UBXN11: variants seen among roughly 807,000 people sequenced by gnomAD.
The protein encoded by UBXN11 is UBX domain protein 11.
UBXN11 carries 47 observed loss-of-function variants against 62.8 expected under a neutral mutation model. That is an observed-to-expected ratio of 0.75 (90% CI 0.59 to 0.95). The LOEUF (loss-of-function observed/expected upper bound fraction) is 0.95, where lower values mean the gene tolerates loss of function less well. UBXN11 is among the 40% of genes least tolerant of loss of function. The pLI is 0.00. For missense variants in UBXN11, 638 were observed against 661.7 expected (o/e 0.96, Z 0.39); for synonymous variants, 294 against 267.0 (o/e 1.10, Z -0.99).
chr1:26,317,868 C>G, intron 1 of UBXN11: 1 of 670,782 alleles, frequency 1.5e-6, no homozygotes, highest in Non-Finnish European at 2.7e-6. Context: ...CACACCCCTC[C>G]TCCACCTTGT....
At chr1:26,294,481 T>C in intron 7 of UBXN11, 150 bp from the exon 8 acceptor site, 1 of 1,282,438 alleles carries the variant, frequency 7.8e-7, no homozygotes, top group South Asian at 1.5e-5. Flanking sequence ...GATCTTGCCA[T>C]TTCCTGGCTG....
intron 8 of UBXN11, among the ~76,000 whole-genome samples, chr1:26,290,738 G>T (rs1287064471): frequency 1.3e-5 from 2 of 151,842 alleles, no homozygotes; most frequent in African/African-American, 4.8e-5. Context: ...GGGAGGCAGG[G>T]ACTGACTTGG....
chr1:26,293,466 A>G (rs1293914927), intron 8 of UBXN11, among the ~76,000 whole-genome samples: 3 of 151,930 alleles, frequency 2.0e-5, no homozygotes, highest in Non-Finnish European at 4.4e-5. Flanking sequence ...GGTGGCTCAC[A>G]CCTGTAATCC....
intron 4 of UBXN11, among the ~76,000 whole-genome samples, chr1:26,300,189 G>C (rs1337151736): frequency 6.6e-6 from 1 of 152,108 alleles, no homozygotes; most frequent in Non-Finnish European, 1.5e-5. Context: ...CTCCTGATGG[G>C]CAGCCACCAC....
At chr1:26,294,169 T>A (rs1197508262) in intron 8 of UBXN11, 36 bp downstream of exon 8, 3 of 1,610,638 alleles carry the variant, frequency 1.9e-6, no homozygotes, top group Non-Finnish European at 2.5e-6. Flanking sequence ...GGAGAATTCC[T>A]TTTGAAGAGG....
At chr1:26,306,842 T>TTGGGGGGGGG (rs1557692136), upstream of UBXN11, 1 of 29,810 alleles carries the variant, frequency 3.4e-5, no homozygotes. Context: ...GGGGGGGGGG[T>TTGGGGGGGGG]GGTTCGTTCC....
chr1:26,313,415 C>G (rs1002839618), intron 1 of UBXN11, among the ~76,000 whole-genome samples: 4 of 152,154 alleles, frequency 2.6e-5, no homozygotes, highest in African/African-American at 9.7e-5. Flanking sequence ...ATATCCTCCC[C>G]ACATTTCACT....
intron 8 of UBXN11, among the ~76,000 whole-genome samples, chr1:26,289,660 G>A (rs1033658791): frequency 1.3e-5 from 2 of 152,190 alleles, no homozygotes; most frequent in African/African-American, 4.8e-5. Flanking sequence ...TCAGACTCAA[G>A]TGAAGAAGAC....
chr1:26,301,604 C>A, intron 3 of UBXN11, 90 bp downstream of exon 3: 1 of 1,559,256 alleles, frequency 6.4e-7, no homozygotes, highest in East Asian at 2.3e-5. Context: ...TGACAAGGGC[C>A]TTTCTCGTGT....
intron 12 of UBXN11, 150 bp downstream of exon 12, chr1:26,283,992 G>A: frequency 1.2e-6 from 1 of 853,736 alleles, no homozygotes; most frequent in Non-Finnish European, 1.8e-6. Context: ...CAGCCTCACA[G>A]TTTCCAGGAG....
At chr1:26,288,706 C>T (rs1219455905) in intron 8 of UBXN11, among the ~76,000 whole-genome samples, 1 of 152,314 alleles carries the variant, frequency 6.6e-6, no homozygotes. Context: ...CCTTTCTGTG[C>T]AATGGGGAGA....
rs2073003857 is a variant in UBXN11, at chr1:26,282,329, G to GGGACTGGGGCCGGGACCGGGACCC, written c.1532_1533insGGGTCCCGGTCCCGGCCCCAGTCC (p.Gly504_Pro511dup). On this transcript the variant is annotated inframe_insertion, in exon 15 of 15. Coordinates refer to ENST00000374222, the MANE Select transcript of UBXN11 (RefSeq NM_001389556.1). ...GGGGGCTGGGACTGGGTCCAGGACA[G>GGGACTGGGGCCGGGACCGGGACCC]GGACTGGGGCCGGGACCGGGACCGG... The GGGACTGGGGCCGGGACCGGGACCC allele has an allele frequency of 2.7e-6, 2 of 748,838 alleles. No individual in the cohort carries two copies. The highest frequency in any genetic ancestry group is 9.7e-5 in the East Asian group (2 of 20,600). 46.4% of individuals were successfully genotyped at this position (748,838 alleles called of 1,614,324 possible).
chr1:26,318,064 T>A, exon 1 of UBXN11: 1 of 1,614,100 alleles, frequency 6.2e-7, no homozygotes, highest in Non-Finnish European at 8.5e-7. Flanking sequence ...CTCCTGGTTA[T>A]GGTACAGGTA....
At chr1:26,297,777 C>T (rs998978292) in intron 5 of UBXN11, among the ~76,000 whole-genome samples, 185 bp downstream of exon 5, 1 of 152,210 alleles carries the variant, frequency 6.6e-6, no homozygotes, top group Non-Finnish European at 1.5e-5. Context: ...GGGAAGACCC[C>T]CCAGCCTCTC....
intron 9 of UBXN11, 91 bp downstream of exon 9, chr1:26,285,732 G>C (rs912503344): frequency 1.3e-6 from 2 of 1,482,074 alleles, no homozygotes; most frequent in East Asian, 4.8e-5. Context: ...TGGAGGGCAG[G>C]CTGGGCCTGG....
chr1:26,304,654 G>A (rs1050106957), intron 1 of UBXN11, among the ~76,000 whole-genome samples: 3 of 152,132 alleles, frequency 2.0e-5, no homozygotes, highest in African/African-American at 7.2e-5. Flanking sequence ...TTGGGAGGCC[G>A]AGGCAGAAGA....
At chr1:26,285,285 T>A in intron 10 of UBXN11, 179 bp downstream of exon 10, 1 of 1,400,664 alleles carries the variant, frequency 7.1e-7, no homozygotes, top group Admixed American at 2.7e-5. Context: ...CTGCTCTGTT[T>A]CGGGCCTCTC....
intron 2 of UBXN11, among the ~76,000 whole-genome samples, chr1:26,302,235 C>T (rs913601910): frequency 2.0e-5 from 3 of 151,938 alleles, no homozygotes; most frequent in Admixed American, 6.6e-5. Flanking sequence ...TTATAGCATG[C>T]GCCTGTAGTC....
At chr1:26,284,833 A>G in intron 10 of UBXN11, 1 of 1,052,000 alleles carries the variant, frequency 9.5e-7, no homozygotes, top group Non-Finnish European at 1.1e-6. Context: ...ATCATCGTAC[A>G]TGTAACCTCA....
Sources: allele counts gnomAD v4.1 joint callset (sites outside exome capture counted in the v4.1 genomes callset), GRCh38; gene constraint gnomAD v4.1.1; transcripts MANE v1.5; gene names NCBI Gene and HGNC (gene_info 2026-07-23, HGNC 2026-07-21).